The following PVT1 variants were observed in gnomAD, a reference collection of about 807,000 sequenced individuals.
The protein encoded by PVT1 is CXCR4/PVT1 fusion.
intron 4 of PVT1, among the ~76,000 whole-genome samples, chr8:128,056,323 G>A (rs1234633896): frequency 1.3e-5 from 2 of 152,184 alleles, no homozygotes; most frequent in Non-Finnish European, 2.9e-5. Flanking sequence ...CTGTATACAT[G>A]CGTTCATGTA....
chr8:127,947,093 G>T (rs1816430106), intron 3 of PVT1: 1 of 152,766 alleles, frequency 6.5e-6, no homozygotes, highest in Non-Finnish European at 1.5e-5. Flanking sequence ...GTGGTCCCTT[G>T]TTGAAAGCCT....
At chr8:127,983,676 G>A (rs1444742648) in intron 3 of PVT1, among the ~76,000 whole-genome samples, 2 of 151,984 alleles carry the variant, frequency 1.3e-5, no homozygotes, top group Non-Finnish European at 2.9e-5. Context: ...CAAGGATAAC[G>A]ACATTCTTTT....
At chr8:128,080,453 TG>T (rs1313394025) in intron 5 of PVT1, among the ~76,000 whole-genome samples, 1 of 152,220 alleles carries the variant, frequency 6.6e-6, no homozygotes, top group Non-Finnish European at 1.5e-5. Context: ...ATCTAATTGT[TG>T]TTTTAATTTG....
chr8:128,034,919 A>G (rs1448779125), intron 4 of PVT1, among the ~76,000 whole-genome samples: 1 of 152,218 alleles, frequency 6.6e-6, no homozygotes. Flanking sequence ...AAATAAACAT[A>G]GAAACACTTG....
At chr8:127,857,356 C>T (rs1465632536) in intron 2 of PVT1, among the ~76,000 whole-genome samples, 4 of 151,998 alleles carry the variant, frequency 2.6e-5, no homozygotes, top group East Asian at 1.9e-4. Context: ...AGAGGCAGCT[C>T]GGTTCCCCCA....
chr8:128,006,787 A>G (rs1817252743), intron 4 of PVT1, among the ~76,000 whole-genome samples: 1 of 152,222 alleles, frequency 6.6e-6, no homozygotes, highest in South Asian at 2.1e-4. Flanking sequence ...GTTATAACCC[A>G]TGACTATAAT....
At chr8:127,798,209 CAGG>C (rs1814419474) in intron 2 of PVT1, among the ~76,000 whole-genome samples, 2 of 151,726 alleles carry the variant, frequency 1.3e-5, no homozygotes, top group Non-Finnish European at 1.5e-5. Flanking sequence ...GAGTCTGAGG[CAGG>C]AGAATTGCTT....
intron 3 of PVT1, among the ~76,000 whole-genome samples, chr8:127,987,701 T>G (rs1816984865): frequency 6.6e-6 from 1 of 152,180 alleles, no homozygotes. Flanking sequence ...CTTTAAGTAG[T>G]AGAACTGGGA....
chr8:128,062,513 C>T (rs973220328), intron 4 of PVT1, among the ~76,000 whole-genome samples: 1 of 152,130 alleles, frequency 6.6e-6, no homozygotes, highest in Non-Finnish European at 1.5e-5. Context: ...CATAAATTCA[C>T]AGAAGGTGAG....
chr8:127,964,008 T>C (rs1267003036), intron 3 of PVT1, among the ~76,000 whole-genome samples: 1 of 152,256 alleles, frequency 6.6e-6, no homozygotes, highest in Non-Finnish European at 1.5e-5. Flanking sequence ...GAATTTGCAC[T>C]GTGAGGGAAC....
At chr8:127,934,527 G>A (rs1328818203) in intron 3 of PVT1, among the ~76,000 whole-genome samples, 2 of 152,236 alleles carry the variant, frequency 1.3e-5, no homozygotes, top group Admixed American at 1.3e-4. Context: ...AGGGGAAAGA[G>A]TTGGCCAGCC....
chr8:127,816,358 G>C (rs1385020158), intron 2 of PVT1, among the ~76,000 whole-genome samples: 3 of 152,050 alleles, frequency 2.0e-5, no homozygotes, highest in East Asian at 3.9e-4. Flanking sequence ...ATGTTGCCCA[G>C]GCTGGTCCCA....
intron 2 of PVT1, among the ~76,000 whole-genome samples, chr8:127,877,360 A>T (rs1396578119): frequency 6.6e-6 from 1 of 152,222 alleles, no homozygotes; most frequent in Non-Finnish European, 1.5e-5. Flanking sequence ...GTGAGGATAC[A>T]TGGGGATTAA....
chr8:127,887,269 G>A (rs1460702190), intron 2 of PVT1, among the ~76,000 whole-genome samples: 2 of 152,114 alleles, frequency 1.3e-5, no homozygotes, highest in Non-Finnish European at 2.9e-5. Context: ...TTGCAGAACC[G>A]GGCCTACTCT....
intron 4 of PVT1, among the ~76,000 whole-genome samples, chr8:128,066,409 C>CCTGA (rs1366408035): frequency 6.6e-6 from 1 of 152,218 alleles, no homozygotes; most frequent in Non-Finnish European, 1.5e-5. Context: ...TGAGCATGAT[C>CCTGA]TCAGGTTGAC....
Position 127,871,402 on chromosome 8 carries a change from G to A in PVT1, n.373-19187G>A, listed in dbSNP as rs184565114. ...ACTTTTGTATCAAATAGACATTAGC[G>A]AGGAGAGGGATGCTTCACATCCTAG... is the stretch of plus-strand genomic sequence containing the variant. On this transcript the variant is annotated intron_variant and non_coding_transcript_variant, in intron 2 of 10. Transcript: ENST00000651587. Among the ~76,000 whole-genome samples the A allele has an allele frequency of 1.1e-4, 16 of 152,330 alleles. No homozygotes were observed. The East Asian group carries it at 3.1e-3, about 29-fold the overall frequency.
At chr8:127,921,253 G>T (rs1175596087) in intron 3 of PVT1, among the ~76,000 whole-genome samples, 1 of 152,100 alleles carries the variant, frequency 6.6e-6, no homozygotes, top group African/African-American at 2.4e-5. Flanking sequence ...GGGAGCACTA[G>T]CAGAATCAGG....
At chr8:127,863,786 G>T (rs1277709365) in intron 2 of PVT1, among the ~76,000 whole-genome samples, 2 of 152,186 alleles carry the variant, frequency 1.3e-5, no homozygotes, top group East Asian at 3.9e-4. Context: ...CCTCAGCTTG[G>T]ACCTGGCAGA....
At chr8:128,096,305 T>C (rs1292717325) in intron 5 of PVT1, among the ~76,000 whole-genome samples, 2 of 152,194 alleles carry the variant, frequency 1.3e-5, no homozygotes, top group Admixed American at 6.5e-5. Flanking sequence ...CTCTCTTTGA[T>C]GGGCAGGGCC....
Sources: gnomAD v4.1 joint callset for allele counts (sites outside exome capture counted in the v4.1 genomes callset) on GRCh38, gnomAD v4.1.1 for gene constraint, MANE v1.5 for transcripts, NCBI Gene and HGNC (gene_info 2026-07-23, HGNC 2026-07-21) for gene names.